FKBP5: variants seen among roughly 807,000 people sequenced by gnomAD.
FKBP5 encodes peptidyl-prolyl cis-trans isomerase FKBP5.
A neutral mutation model predicts 50.5 loss-of-function variants in FKBP5; 23 were observed. The ratio of observed to expected loss-of-function variants is 0.46; its 90% CI spans 0.33 to 0.65. FKBP5 has a LOEUF of 0.65. Among genes scored for constraint, FKBP5 ranks in the 30% least tolerant of loss-of-function variants. FKBP5 has a pLI of 0.02. For synonymous variants in FKBP5, 176 were observed against 190.6 expected (o/e 0.92, Z 0.63); for missense variants, 411 against 553.1 (o/e 0.74, Z 2.58).
rs186221932 is a variant in FKBP5 at position 35,628,586 on chromosome 6, T to C, written c.251-8312A>G. ...CTGATCTCTATTTTAACTACTTGCA[T>C]ATTCTGCTAATTTTTATGTTAAAAA... is the stretch of plus-strand genomic sequence containing the variant. On this transcript the variant is annotated intron_variant, in intron 3 of 10. Coordinates refer to ENST00000357266, the MANE Select transcript of FKBP5 (RefSeq NM_004117.4). Among the ~76,000 whole-genome samples the C allele has an allele frequency of 8.0e-4, 122 of 152,342 alleles. 1 individual carries two copies. The highest frequency in any genetic ancestry group is 2.8e-3 in the African/African-American group (117 of 41,586).
chr6:35,652,749 T>G (rs1764843067), intron 1 of FKBP5, among the ~76,000 whole-genome samples: 1 of 152,152 alleles, frequency 6.6e-6, no homozygotes, highest in Non-Finnish European at 1.5e-5. Context: ...TTTGTGATAT[T>G]CTATTACCCT....
rs1023206554 is a variant in FKBP5 at position 35,671,034 on chromosome 6, C to T, written c.-20+17770G>A. Among the ~76,000 whole-genome samples the T allele has an allele frequency of 5.3e-5, 8 of 151,776 alleles. No individual in the cohort carries two copies. The South Asian group carries it at 6.2e-4, about 12-fold the overall frequency. On this transcript the variant is annotated intron_variant, in intron 1 of 10. Transcript: ENST00000357266. ...AGCACTTTCTGAGGCCAAAGTGAGA[C>T]GATCCCTTGAACCCAGGAGTTTGAG...
At position 35,619,078 on chromosome 6, in the gene FKBP5, TCTTA is replaced by T. The variant is rs1192766798; in HGVS notation, c.508+14_508+17del. The T allele has an allele frequency of 6.5e-7, 1 of 1,549,562 alleles. No homozygotes were observed. Among genetic ancestry groups the T allele is most frequent in the Non-Finnish European group, 8.9e-7 (1 of 1,123,256 alleles). ...GCCCAACTTTTAAGGACTAGTTCCCTCTTACTTTAATACTTACTTTCTACTGTTG... is the reference window on the plus strand; with the variant it reads ...GCCCAACTTTTAAGGACTAGTTCCCTCTTTAATACTTACTTTCTACTGTTG... On this transcript the variant is annotated intron_variant, in intron 5 of 10. Coordinates refer to ENST00000357266, the MANE Select transcript of FKBP5 (RefSeq NM_004117.4).
At chr6:35,628,750 G>C (rs1310210348) in intron 3 of FKBP5, among the ~76,000 whole-genome samples, 1 of 151,938 alleles carries the variant, frequency 6.6e-6, no homozygotes, top group Non-Finnish European at 1.5e-5. Context: ...ATGGAATCTT[G>C]CTCTGTCGCC....
chr6:35,641,856 C>A (rs1488859610), intron 2 of FKBP5, among the ~76,000 whole-genome samples: 1 of 151,886 alleles, frequency 6.6e-6, no homozygotes, highest in East Asian at 1.9e-4. Flanking sequence ...ATTAGCGAGG[C>A]ATGGTAGCAG....
At chr6:35,608,796 ATTGTT>A (rs746537459) in intron 5 of FKBP5, among the ~76,000 whole-genome samples, 11 of 152,052 alleles carry the variant, frequency 7.2e-5, no homozygotes, top group South Asian at 2.1e-4. Flanking sequence ...GACTGTTATT[ATTGTT>A]TTATTATTAT....
At chr6:35,679,489 A>C (rs1284981910) in intron 1 of FKBP5, among the ~76,000 whole-genome samples, 2 of 152,378 alleles carry the variant, frequency 1.3e-5, no homozygotes, top group Non-Finnish European at 2.9e-5. Context: ...TTGATATCAG[A>C]CATCTGTCAT....
rs892118755 is a variant in FKBP5, at chr6:35,585,097, G to A, written c.840+1937C>T. On this transcript the variant is annotated intron_variant, in intron 8 of 10. Coordinates refer to ENST00000357266, the MANE Select transcript of FKBP5 (RefSeq NM_004117.4). ...ATTAGAGCCTCTGAATAGCTGAGCT[G>A]TTTTACTACACTGAATCGATATAAT... is the stretch of plus-strand genomic sequence containing the variant. 24 of 984,056 alleles carry A rather than the reference G, an allele frequency of 2.4e-5. No individual in the cohort carries two copies. The African/African-American group carries it at 3.8e-4, about 16-fold the overall frequency. 61.0% of individuals were successfully genotyped at this position (984,056 alleles called of 1,614,324 possible).
intron 1 of FKBP5, among the ~76,000 whole-genome samples, chr6:35,685,708 G>A (rs985007335): frequency 6.6e-6 from 1 of 152,118 alleles, no homozygotes; most frequent in Non-Finnish European, 1.5e-5. Flanking sequence ...TAGGCTAGGC[G>A]CGATGGCTCA....
intron 1 of FKBP5, among the ~76,000 whole-genome samples, chr6:35,670,392 G>T (rs1344056806): frequency 2.0e-5 from 3 of 152,050 alleles, no homozygotes; most frequent in African/African-American, 4.8e-5. Flanking sequence ...AACAAAATTG[G>T]TCTGGCAAAG....
At chr6:35,720,386 G>C (rs1210756234) in exon 2 of FKBP5, 2 of 152,620 alleles carry the variant, frequency 1.3e-5, no homozygotes, top group African/African-American at 2.4e-5. Context: ...GGGTCGGAGA[G>C]TCTAGCCTTC....
intron 1 of FKBP5, chr6:35,664,741 A>AT (rs2151001167): frequency 6.5e-6 from 1 of 154,262 alleles, no homozygotes; most frequent in South Asian, 2.0e-4. Flanking sequence ...TATTACCTCT[A>AT]TTAGTATAAC....
chr6:35,627,928 A>ATTTTTTT lies in FKBP5; in HGVS notation c.251-7661_251-7655dup, dbSNP rs35468991. 3.7e-5 allele frequency among the ~76,000 whole-genome samples: 4 copies of ATTTTTTT among 108,472 alleles called. 1 individual carries two copies. The highest frequency in any genetic ancestry group is 1.5e-4 in the African/African-American group (4 of 26,992). 71.2% of individuals were successfully genotyped at this position (108,472 alleles called of 152,430 possible). Reference sequence around the variant, plus strand: ...AGGCATGCGCCACCATGCCCAGCTAATTTTTTTTTTTTTTTTTTTTTTTAG... The same window carrying ATTTTTTT: ...AGGCATGCGCCACCATGCCCAGCTAATTTTTTTTTTTTTTTTTTTTTTTTTTTTTTAG... On this transcript the variant is annotated intron_variant, in intron 3 of 10. Coordinates refer to ENST00000357266, the MANE Select transcript of FKBP5 (RefSeq NM_004117.4).
chr6:35,595,678 G>A (rs750144035), intron 6 of FKBP5, among the ~76,000 whole-genome samples: 76 of 152,154 alleles, frequency 5.0e-4, no homozygotes, highest in Non-Finnish European at 9.0e-4. Flanking sequence ...CTGAGCCCTG[G>A]AGGTTGAGGC....
At chr6:35,579,965 G>C in intron 9 of FKBP5, 71 bp downstream of exon 9, 1 of 1,192,850 alleles carries the variant, frequency 8.4e-7, no homozygotes, top group Non-Finnish European at 1.2e-6. Context: ...TGGCTGAGAG[G>C]AAGCAAAAGA....
At chr6:35,611,381 C>A (rs974931326) in intron 5 of FKBP5, among the ~76,000 whole-genome samples, 1 of 152,152 alleles carries the variant, frequency 6.6e-6, no homozygotes, top group African/African-American at 2.4e-5. Flanking sequence ...TGACTGTCTG[C>A]ATTCTTTGCA....
intron 5 of FKBP5, among the ~76,000 whole-genome samples, chr6:35,597,999 T>C (rs1024345285): frequency 6.6e-6 from 1 of 152,190 alleles, no homozygotes; most frequent in African/African-American, 2.4e-5. Flanking sequence ...AAATAATAAA[T>C]GTAAAGTGTG....
At chr6:35,669,201 AC>A (rs1275987576) in intron 1 of FKBP5, among the ~76,000 whole-genome samples, 15 of 152,290 alleles carry the variant, frequency 9.8e-5, no homozygotes, top group East Asian at 3.9e-4. Context: ...TAAAACAGGG[AC>A]CTCCTCTTCC....
chr6:35,606,453 C>T (rs188843290), intron 5 of FKBP5, among the ~76,000 whole-genome samples: 5 of 151,780 alleles, frequency 3.3e-5, no homozygotes, highest in Admixed American at 1.3e-4. Context: ...GTCAGGAGAT[C>T]GAGACCATCC....
Sources: allele counts gnomAD v4.1 joint callset (sites outside exome capture counted in the v4.1 genomes callset), GRCh38; gene constraint gnomAD v4.1.1; transcripts MANE v1.5; gene names NCBI Gene and HGNC (gene_info 2026-07-23, HGNC 2026-07-21).